Variants in TRAM1 observed in about 807,000 individuals in gnomAD.
TRAM1 encodes translocation associated membrane protein 1.
Under a neutral mutation model 48.7 loss-of-function variants are expected in TRAM1, and 17 were observed. That is an observed-to-expected ratio of 0.35 (90% CI 0.24 to 0.52). The LOEUF (loss-of-function observed/expected upper bound fraction) is 0.52. TRAM1 is among the 20% of genes least tolerant of loss of function. The pLI, the probability that TRAM1 is intolerant of heterozygous loss-of-function variation, is 0.94. For synonymous variants in TRAM1, 182 were observed against 154.0 expected, an observed-to-expected ratio of 1.18 and a Z score of -1.34; for missense variants, 351 against 441.5, an observed-to-expected ratio of 0.79 and a Z score of 1.84.
chr8:70,593,483 C>G (rs1360625582), intron 6 of TRAM1, among the ~76,000 whole-genome samples: 7 of 150,608 alleles, frequency 4.6e-5, no homozygotes, highest in Non-Finnish European at 8.9e-5. Context: ...ATACCCGTAA[C>G]TCAATCATTA....
At chr8:70,590,235 T>G (rs1167748859) in intron 6 of TRAM1, among the ~76,000 whole-genome samples, 1 of 151,204 alleles carries the variant, frequency 6.6e-6, no homozygotes, top group African/African-American at 2.4e-5. Context: ...GAAATACAAG[T>G]AAGTTTTTAA....
intron 6 of TRAM1, 51 bp from the exon 7 acceptor site, chr8:70,587,227 CTTTTTT>C (rs1192255591): frequency 8.3e-6 from 13 of 1,573,690 alleles, no homozygotes; most frequent in Admixed American, 3.4e-5. Flanking sequence ...TTTCCTTTCC[CTTTTTT>C]TAAGAGGTGT....
intron 6 of TRAM1, among the ~76,000 whole-genome samples, chr8:70,593,520 C>G (rs1205840295): frequency 6.6e-6 from 1 of 150,804 alleles, no homozygotes; most frequent in Admixed American, 6.6e-5. Context: ...CTTGTTTCAT[C>G]TATATCCCTC....
At chr8:70,587,028 A>G (rs1430190369) in intron 7 of TRAM1, 29 bp from the exon 8 acceptor site, 1 of 1,608,452 alleles carries the variant, frequency 6.2e-7, no homozygotes, top group South Asian at 1.1e-5. Flanking sequence ...AAAAATGGGA[A>G]TATTAATTAT....
intron 8 of TRAM1, among the ~76,000 whole-genome samples, chr8:70,584,257 C>T (rs986209170): frequency 2.6e-5 from 4 of 152,162 alleles, no homozygotes; most frequent in African/African-American, 9.7e-5. Flanking sequence ...TAATATTCCT[C>T]AGAACTACTA....
chr8:70,591,920 T>TA (rs567826128), intron 6 of TRAM1, among the ~76,000 whole-genome samples: 237 of 151,802 alleles, frequency 1.6e-3, no homozygotes, highest in African/African-American at 5.5e-3. Context: ...GTCATCAGAT[T>TA]AAAAAAAAGT....
chr8:70,591,572 ATC>A (rs963135342), intron 6 of TRAM1, among the ~76,000 whole-genome samples: 3 of 152,348 alleles, frequency 2.0e-5, no homozygotes, highest in African/African-American at 4.8e-5. Context: ...TTATTCCAAC[ATC>A]TGTTTATTAA....
intron 4 of TRAM1, among the ~76,000 whole-genome samples, chr8:70,597,531 G>A (rs1034945611): frequency 6.6e-6 from 1 of 151,620 alleles, no homozygotes; most frequent in Non-Finnish European, 1.5e-5. Context: ...TTAGCTGGGC[G>A]TGGTGGCGTG....
intron 2 of TRAM1, among the ~76,000 whole-genome samples, chr8:70,598,689 G>A (rs903671334): frequency 1.3e-5 from 2 of 152,058 alleles, no homozygotes; most frequent in African/African-American, 2.4e-5. Context: ...GATTTGACCT[G>A]TATTTGATTT....
At chr8:70,586,836 T>C in intron 8 of TRAM1, 59 bp downstream of exon 8, 1 of 1,385,334 alleles carries the variant, frequency 7.2e-7, no homozygotes, top group Non-Finnish European at 1.0e-6. Context: ...ATCTTGGCAA[T>C]GTTAGGCACT....
chr8:70,599,691 G>A (rs1243337012), intron 2 of TRAM1, among the ~76,000 whole-genome samples: 3 of 152,172 alleles, frequency 2.0e-5, no homozygotes, highest in African/African-American at 7.2e-5. Flanking sequence ...AGTCTTGAAT[G>A]AACAATGACA....
chr8:70,599,920 G>T, intron 2 of TRAM1, 99 bp downstream of exon 2: 1 of 850,736 alleles, frequency 1.2e-6, no homozygotes, highest in East Asian at 2.5e-5. Flanking sequence ...TGAGATCTCT[G>T]ACGATTAATT....
rs143745022 is a variant in TRAM1 at position 70,598,814 on chromosome 8, A to G, written c.188-559T>C. On this transcript the variant is annotated intron_variant, in intron 2 of 10. Coordinates refer to ENST00000262213, the MANE Select transcript of TRAM1 (RefSeq NM_014294.6). ...TATCAAATACTTGTGAATTGCTGAC[A>G]CTTATTCTCAAACTTTATGTTTATG... 3.2e-3 allele frequency among the ~76,000 whole-genome samples: 492 copies of G among 152,320 alleles called. 2 individuals are homozygous for G. The highest frequency in any genetic ancestry group is 0.011 in the African/African-American group (462 of 41,570).
At chr8:70,600,578 A>G (rs925241946) in intron 1 of TRAM1, among the ~76,000 whole-genome samples, 1 of 152,220 alleles carries the variant, frequency 6.6e-6, no homozygotes, top group Non-Finnish European at 1.5e-5. Context: ...GGTAAAAGTA[A>G]ACTGGTCAGA....
Position 70,608,086 on chromosome 8 carries a change from G to T in TRAM1, c.114C>A (p.Leu38=). ...SCVAMVFLLG[L]MFEITAKASI... is the part of the protein sequence containing the mutation. Reference sequence around the variant, plus strand: ...CTCGGGGCGGGCTCACCTCAAACATGAGCCCCAGCAGGAAGACCATCGCCA... The same window carrying T: ...CTCGGGGCGGGCTCACCTCAAACATTAGCCCCAGCAGGAAGACCATCGCCA... The change falls in exon 1 of 11, where the codon CTC becomes CTA. Residue 38 remains leucine, a synonymous_variant. Coordinates refer to ENST00000262213, the MANE Select transcript of TRAM1 (RefSeq NM_014294.6). 6.3e-7 allele frequency: 1 copy of T among 1,598,048 alleles called. No individual in the cohort carries two copies.
Position 70,608,343 on chromosome 8 carries a change from G to A in TRAM1, c.-144C>T. ...CTGGGGCTTCACTTCCCATCCCACAGCCAGTACGCAGCCGCCGGGCCGCCC... is the reference window on the plus strand; with the variant it reads ...CTGGGGCTTCACTTCCCATCCCACAACCAGTACGCAGCCGCCGGGCCGCCC... On this transcript the variant is annotated 5_prime_UTR_variant, in exon 1 of 11. Coordinates refer to ENST00000262213, the MANE Select transcript of TRAM1 (RefSeq NM_014294.6). The A allele has an allele frequency of 9.7e-7, 1 of 1,031,680 alleles. No individual in the cohort carries two copies. The highest frequency in any genetic ancestry group is 1.3e-6 in the Non-Finnish European group (1 of 771,138). The allele number at this position is 1,031,680 out of a possible 1,614,324, so 63.9% of individuals were successfully genotyped here.
intron 5 of TRAM1, 46 bp downstream of exon 5, chr8:70,596,217 A>G (rs1295321328): frequency 6.9e-7 from 1 of 1,449,966 alleles, no homozygotes; most frequent in Non-Finnish European, 9.3e-7. Context: ...TAATAGTGAC[A>G]TGACCATGGT....
chr8:70,604,172 T>A (rs1007939174), intron 1 of TRAM1, among the ~76,000 whole-genome samples: 1 of 152,250 alleles, frequency 6.6e-6, no homozygotes, highest in Non-Finnish European at 1.5e-5. Context: ...TTCAGATGCA[T>A]CTTAAATAGG....
At chr8:70,593,134 T>A (rs1405209647) in intron 6 of TRAM1, among the ~76,000 whole-genome samples, 1 of 152,158 alleles carries the variant, frequency 6.6e-6, no homozygotes, top group East Asian at 1.9e-4. Context: ...CAATCTACTT[T>A]ATAAAAGAAA....
Sources: allele counts gnomAD v4.1 joint callset (sites outside exome capture counted in the v4.1 genomes callset), GRCh38; gene constraint gnomAD v4.1.1; transcripts MANE v1.5; gene names NCBI Gene and HGNC (gene_info 2026-07-23, HGNC 2026-07-21).